The following DIS3L2 variants were observed in gnomAD, a reference collection of about 807,000 sequenced individuals.
DIS3L2 encodes DIS3 like 3'-5' exoribonuclease 2.
DIS3L2 carries 34 observed loss-of-function variants against 97.5 expected under a neutral mutation model. That is an observed-to-expected ratio of 0.35 (90% CI 0.27 to 0.46). DIS3L2 has a LOEUF of 0.46. Ranked by LOEUF, DIS3L2 falls within the 20% of genes least tolerant of loss-of-function variation. The probability of loss-of-function intolerance (pLI) is 1.00; values close to 1 mark genes in which losing one functional copy is unlikely to be tolerated. For synonymous variants in DIS3L2, 435 were observed against 445.2 expected (o/e 0.98, Z 0.29); for missense variants, 1,038 against 1,146.0 (o/e 0.91, Z 1.36).
intron 13 of DIS3L2, among the ~76,000 whole-genome samples, chr2:232,274,619 T>A (rs1271628896): frequency 6.6e-6 from 1 of 152,196 alleles, no homozygotes; most frequent in Non-Finnish European, 1.5e-5. Flanking sequence ...AGACTGAGTT[T>A]CCCCAAATGC....
chr2:232,238,241 T>C (rs1050905274), intron 10 of DIS3L2, among the ~76,000 whole-genome samples: 2 of 152,244 alleles, frequency 1.3e-5, no homozygotes, highest in Non-Finnish European at 2.9e-5. Context: ...TATCTTCTTA[T>C]GTTTACTCAA....
At chr2:232,077,344 G>A (rs1034450506) in intron 5 of DIS3L2, among the ~76,000 whole-genome samples, 1 of 151,534 alleles carries the variant, frequency 6.6e-6, no homozygotes, top group African/African-American at 2.4e-5. Context: ...ATCTGTGCTT[G>A]GTAAAACTAA....
chr2:232,240,569 T>G (rs561264582), intron 11 of DIS3L2, among the ~76,000 whole-genome samples: 2 of 152,312 alleles, frequency 1.3e-5, no homozygotes, highest in Non-Finnish European at 2.9e-5. Context: ...CAGGGGGAAT[T>G]CCGTACCAGA....
chr2:232,339,414 A>G (rs979301218), downstream of DIS3L2, among the ~76,000 whole-genome samples: 12 of 152,126 alleles, frequency 7.9e-5, no homozygotes, highest in African/African-American at 2.4e-4. Context: ...GTGATTGCCC[A>G]GGTGCCAGGA....
At chr2:232,065,171 A>G (rs914438323) in intron 5 of DIS3L2, among the ~76,000 whole-genome samples, 1 of 152,220 alleles carries the variant, frequency 6.6e-6, no homozygotes, top group East Asian at 1.9e-4. Context: ...ATTTTTAAGT[A>G]TGCATGATGC....
chr2:232,225,125 C>T (rs903956673), intron 10 of DIS3L2, among the ~76,000 whole-genome samples: 4 of 152,256 alleles, frequency 2.6e-5, no homozygotes, highest in East Asian at 3.9e-4. Flanking sequence ...GCAATTACAA[C>T]TCTCATATAC....
chr2:232,335,358 G>C (rs1365152797), intron 19 of DIS3L2: 2 of 211,706 alleles, frequency 9.4e-6, no homozygotes, highest in Admixed American at 5.3e-5. Flanking sequence ...GAACGACAGA[G>C]TCCCCCTGCG....
At chr2:232,122,367 G>A (rs1326795148) in intron 6 of DIS3L2, among the ~76,000 whole-genome samples, 1 of 152,100 alleles carries the variant, frequency 6.6e-6, no homozygotes, top group East Asian at 1.9e-4. Context: ...CCATTGTCCT[G>A]TATACCAGTC....
intron 1 of DIS3L2, among the ~76,000 whole-genome samples, chr2:231,970,411 A>G (rs1559502975): frequency 6.6e-6 from 1 of 152,226 alleles, no homozygotes; most frequent in Non-Finnish European, 1.5e-5. Context: ...AGCCTACTAC[A>G]CACCTAGGCT....
At chr2:232,291,817 T>G (rs1442571950) in intron 13 of DIS3L2, among the ~76,000 whole-genome samples, 2 of 152,240 alleles carry the variant, frequency 1.3e-5, no homozygotes, top group African/African-American at 4.8e-5. Flanking sequence ...GAGAGAGACT[T>G]GGTTGTCCAT....
At chr2:232,126,783 G>A (rs527340649) in intron 6 of DIS3L2, among the ~76,000 whole-genome samples, 4 of 152,270 alleles carry the variant, frequency 2.6e-5, no homozygotes, top group South Asian at 2.1e-4. Context: ...TTCTACCAGC[G>A]TTATTTCCCC....
chr2:232,083,068 AC>A (rs58976527), intron 5 of DIS3L2, among the ~76,000 whole-genome samples: 3 of 151,022 alleles, frequency 2.0e-5, no homozygotes, highest in African/African-American at 7.3e-5. Context: ...GGAAAGACCC[AC>A]CCCCCCATGA....
intron 13 of DIS3L2, among the ~76,000 whole-genome samples, chr2:232,277,040 A>G (rs1045627076): frequency 3.3e-5 from 5 of 152,204 alleles, no homozygotes; most frequent in Admixed American, 2.6e-4. Flanking sequence ...CGCCTCCTTT[A>G]TGATACTTCC....
intron 1 of DIS3L2, among the ~76,000 whole-genome samples, chr2:231,962,013 CTTATA>C (rs1453184428): frequency 2.0e-5 from 3 of 152,242 alleles, no homozygotes; most frequent in Non-Finnish European, 4.4e-5. Context: ...CCAGGCCGCG[CTTATA>C]GCGCCGGGGC....
chr2:232,184,144 A>G (rs1691369466), intron 9 of DIS3L2, among the ~76,000 whole-genome samples: 1 of 152,194 alleles, frequency 6.6e-6, no homozygotes, highest in African/African-American at 2.4e-5. Flanking sequence ...GTTACACTAA[A>G]TTTGATTTTG....
chr2:232,055,997 G>GAGT (rs1695540130), intron 5 of DIS3L2, among the ~76,000 whole-genome samples: 1 of 152,094 alleles, frequency 6.6e-6, no homozygotes, highest in African/African-American at 2.4e-5. Flanking sequence ...AATGTGAAAG[G>GAGT]TAGAACAGTA....
intron 1 of DIS3L2, among the ~76,000 whole-genome samples, chr2:231,987,441 A>G (rs949523503): frequency 5.3e-5 from 8 of 152,248 alleles, no homozygotes; most frequent in South Asian, 2.1e-4. Flanking sequence ...AAGGCTCTGC[A>G]TGAATATAGG....
intron 1 of DIS3L2, among the ~76,000 whole-genome samples, chr2:231,993,065 T>C (rs1693628537): frequency 6.6e-6 from 1 of 152,200 alleles, no homozygotes; most frequent in Admixed American, 6.5e-5. Context: ...CCAGATGTTC[T>C]TCAGAGCTCC....
chr2:232,187,593 C>A (rs1161336508), intron 9 of DIS3L2, among the ~76,000 whole-genome samples: 1 of 151,998 alleles, frequency 6.6e-6, no homozygotes, highest in Non-Finnish European at 1.5e-5. Flanking sequence ...CAGGTGCGCG[C>A]CACCATGCCC....
Sources: gnomAD v4.1 joint callset for allele counts (sites outside exome capture counted in the v4.1 genomes callset) on GRCh38, gnomAD v4.1.1 for gene constraint, MANE v1.5 for transcripts, NCBI Gene and HGNC (gene_info 2026-07-23, HGNC 2026-07-21) for gene names.